Variants in BRWD1 observed in about 807,000 individuals in gnomAD.
BRWD1 encodes the protein bromodomain and WD repeat-containing protein 1.
BRWD1 carries 82 observed loss-of-function variants against 251.2 expected under a neutral mutation model. The observed-to-expected ratio is 0.33, with a 90% confidence interval of 0.27 to 0.39. BRWD1 has a LOEUF of 0.39. BRWD1 is among the 10% of genes least tolerant of loss of function. BRWD1 has a pLI of 1.00. For missense variants in BRWD1, 2,233 were observed against 2,711.6 expected (o/e 0.82, Z 3.92); for synonymous variants, 918 against 902.8 (o/e 1.02, Z -0.30).
In BRWD1 at chr21:39,203,380, G is replaced by A. The variant is rs577875980; in HGVS notation, c.4365-835C>T. On this transcript the variant is annotated intron_variant, in intron 37 of 40. Transcript: ENST00000342449. The stretch of plus-strand genomic sequence containing the variant: ...TTTTAGCCCAGGAGCTTGACATTAC[G>A]ATGACATTATGATCACACCATGCAC... Among the ~76,000 whole-genome samples the A allele has an allele frequency of 2.7e-3, 405 of 149,530 alleles. 3 individuals are homozygous for A. Among genetic ancestry groups the A allele is most frequent in the South Asian group, 2.2e-3 (10 of 4,640 alleles).
In BRWD1 at chr21:39,199,233, A is replaced by C. The variant is rs763167648; in HGVS notation, c.5183T>G (p.Val1728Gly). 4 of 1,614,026 alleles carry C rather than the reference A, an allele frequency of 2.5e-6. No homozygotes were observed. The highest frequency in any genetic ancestry group is 3.3e-5 in the Admixed American group (2 of 59,996). Reference sequence around the variant, plus strand: ...ATTAGCATGCCAATTTTTCCGGGCTACCCGCAAATCACTTTCTGACTCTGA... The same window carrying C: ...ATTAGCATGCCAATTTTTCCGGGCTCCCCGCAAATCACTTTCTGACTCTGA... ...RDSESESDLR[V>G]ARKNWHANGY... Residue 1728 changes from valine to glycine, a missense_variant, in exon 40 of 41, where the codon GTA becomes GGA. This residue lies in a region of BRWD1 where 928 missense variants were observed against 970.0 expected (regional missense o/e 0.96). Transcript: ENST00000342449.
intron 29 of BRWD1, among the ~76,000 whole-genome samples, chr21:39,221,559 G>A (rs1391699772): frequency 2.0e-5 from 3 of 152,114 alleles, no homozygotes; most frequent in African/African-American, 7.2e-5. Context: ...GAAAAGCCCC[G>A]AAATACAGAG....
chr21:39,315,996 G>A (rs1393562792), upstream of BRWD1, among the ~76,000 whole-genome samples: 1 of 152,180 alleles, frequency 6.6e-6, no homozygotes, highest in Non-Finnish European at 1.5e-5. Context: ...GGAACCAGAA[G>A]TTTAGTATGA....
chr21:39,259,879 A>C (rs1281111416), intron 17 of BRWD1, among the ~76,000 whole-genome samples: 1 of 152,092 alleles, frequency 6.6e-6, no homozygotes, highest in African/African-American at 2.4e-5. Flanking sequence ...GGAGATTAAT[A>C]AGGTGATAAT....
chr21:39,236,875 G>A lies in BRWD1; in HGVS notation c.2577-91C>T. On this transcript the variant is annotated intron_variant, in intron 22 of 40. Coordinates refer to ENST00000342449, the MANE Select transcript of BRWD1 (RefSeq NM_033656.4). ...TATAAAATTGAGGGAACAGAGAGAGGAGAAAAAGGGAAGGGAAGATACCAG... is the reference window on the plus strand; with the variant it reads ...TATAAAATTGAGGGAACAGAGAGAGAAGAAAAAGGGAAGGGAAGATACCAG... 6.1e-6 allele frequency: 7 copies of A among 1,156,136 alleles called. No homozygotes were observed. In the Admixed American group the frequency reaches 7.0e-5, roughly 12 times the overall value. 71.6% of individuals were successfully genotyped at this position (1,156,136 alleles called of 1,614,324 possible).
At position 39,198,883 on chromosome 21, in the gene BRWD1, T is replaced by C. The variant is rs1203040524; in HGVS notation, c.5533A>G (p.Ile1845Val). The stretch of plus-strand genomic sequence containing the variant: ...GGGTCACAGTTCAGATTTCCTGAAA[T>C]TGGGTTCATTTCCATTTTATGACAT... Reference protein sequence around the residue: ...GKCHKMEMNPISGNLNCDPIA... With the variant: ...GKCHKMEMNPVSGNLNCDPIA... The change falls in exon 40 of 41, where the codon ATT (isoleucine) becomes GTT (valine). Residue 1845 changes from isoleucine (I) to valine (V), a missense_variant. Ile to Val is a conservative substitution (Grantham distance 29, BLOSUM62 3). Transcript: ENST00000342449. The C allele has an allele frequency of 2.5e-6, 4 of 1,614,178 alleles. No homozygotes were observed. The highest frequency in any genetic ancestry group is 1.1e-5 in the South Asian group (1 of 91,078).
intron 33 of BRWD1, among the ~76,000 whole-genome samples, 155 bp from the exon 34 acceptor site, chr21:39,212,862 G>T (rs993337279): frequency 1.3e-5 from 2 of 151,166 alleles, no homozygotes; most frequent in Non-Finnish European, 1.5e-5. Context: ...GATGATCTTT[G>T]TGGCACCCAG....
intron 13 of BRWD1, among the ~76,000 whole-genome samples, chr21:39,271,184 C>G (rs1308120515): frequency 6.6e-6 from 1 of 152,030 alleles, no homozygotes; most frequent in African/African-American, 2.4e-5. Flanking sequence ...CCCAGCTACT[C>G]AGAAGGCTGA....
downstream of BRWD1, chr21:39,184,640 TCA>T (rs2031107251): frequency 6.6e-6 from 1 of 152,156 alleles, no homozygotes; most frequent in South Asian, 2.1e-4. Flanking sequence ...GGAAAGATAA[TCA>T]ACAAAATCAT....
chr21:39,282,039 T>C (rs908823207), intron 8 of BRWD1, among the ~76,000 whole-genome samples: 8 of 151,680 alleles, frequency 5.3e-5, no homozygotes, highest in African/African-American at 1.7e-4. Context: ...TAAGTATATG[T>C]ATGTACATAT....
intron 31 of BRWD1, chr21:39,217,408 T>C (rs1358947425): frequency 1.5e-5 from 3 of 200,636 alleles, no homozygotes; most frequent in Non-Finnish European, 3.0e-5. Flanking sequence ...CCCACAAAAA[T>C]TATTTTTAAA....
Position 39,212,666 on chromosome 21 carries a change from T to A in BRWD1, c.3900A>T (p.Arg1300Ser), listed in dbSNP as rs1555850616. The change falls in exon 34 of 41, where the codon AGA becomes AGT. Residue 1300 changes from arginine to serine, a missense_variant and splice_region_variant. By Grantham distance (110) the Arg-to-Ser change is moderately radical. Around this residue, in one of 12 missense-constraint regions of BRWD1, gnomAD observed 167 missense variants for 183.2 expected, o/e 0.91. Coordinates refer to ENST00000342449, the MANE Select transcript of BRWD1 (RefSeq NM_033656.4). ...DLPKTSSGRRRVHDGKKSIRA... is the reference protein window; with the variant it reads ...DLPKTSSGRRSVHDGKKSIRA... The stretch of plus-strand genomic sequence containing the variant: ...AAGTCAACCATGCAGAGTAACTTAC[T>A]CTCCTCCTTCCAGAAGATGTTTTAG... The A allele has an allele frequency of 1.3e-6, 2 of 1,570,238 alleles. No individual in the cohort carries two copies. The highest frequency in any genetic ancestry group is 2.2e-5 in the East Asian group (1 of 44,528).
At chr21:39,246,131 G>A (rs2034181123) in intron 21 of BRWD1, among the ~76,000 whole-genome samples, 1 of 151,990 alleles carries the variant, frequency 6.6e-6, no homozygotes, top group South Asian at 2.1e-4. Flanking sequence ...CACAGAATGG[G>A]AGAAAAATTC....
upstream of BRWD1, chr21:39,317,003 C>A (rs988331955): frequency 1.5e-4 from 23 of 152,206 alleles, no homozygotes; most frequent in African/African-American, 5.5e-4. Context: ...TTACAACTTA[C>A]TATCACATTC....
intron 9 of BRWD1, among the ~76,000 whole-genome samples, chr21:39,279,662 A>G (rs148810033): frequency 0.015 from 1,311 of 89,140 alleles, 17 homozygotes; most frequent in Non-Finnish European, 0.023. Flanking sequence ...AAAAAGAAAA[A>G]AAAAAAGAAA....
chr21:39,315,154 G>T (rs558809492), upstream of BRWD1, among the ~76,000 whole-genome samples: 55 of 152,044 alleles, frequency 3.6e-4, no homozygotes, highest in Non-Finnish European at 6.8e-4. Context: ...GCGCCACCAC[G>T]TCCGGCTAAT....
In BRWD1 at chr21:39,210,259, G is replaced by C. The variant is rs1040956835; in HGVS notation, c.4045-112C>G. ...TGATGGAAGAGAGGAAAAGGTTAGAGGACTCTTAAAATTCATTAGTAATGT... is the reference window on the plus strand; with the variant it reads ...TGATGGAAGAGAGGAAAAGGTTAGACGACTCTTAAAATTCATTAGTAATGT... On this transcript the variant is annotated intron_variant, in intron 35 of 40. Transcript: ENST00000342449. 6 of 762,978 alleles carry C rather than the reference G, an allele frequency of 7.9e-6. No individual in the cohort carries two copies. In the Admixed American group the frequency reaches 1.5e-4, roughly 19 times the overall value. 47.3% of individuals were successfully genotyped at this position (762,978 alleles called of 1,614,324 possible).
intron 8 of BRWD1, among the ~76,000 whole-genome samples, chr21:39,289,898 G>A (rs560725644): frequency 3.7e-4 from 56 of 151,896 alleles, no homozygotes; most frequent in African/African-American, 8.2e-4. Context: ...GGTGGCAGCC[G>A]CCTGTAGTCC....
rs2234547 is a variant in BRWD1 at position 39,198,904 on chromosome 21, G to C, written c.5512C>G (p.His1838Asp). The change falls in exon 40 of 41, where the codon CAT becomes GAT. Residue 1838 changes from histidine to aspartate, a missense_variant. By Grantham distance (81) the His-to-Asp change is moderately conservative. Transcript: ENST00000342449. ...EEQDREDGKCHKMEMNPISGN... is the reference protein window; with the variant it reads ...EEQDREDGKCDKMEMNPISGN... ...GAAATTGGGTTCATTTCCATTTTAT[G>C]ACATTTCCCATCTTCTCTATCTTGC... 511 of 1,614,078 alleles carry C rather than the reference G, an allele frequency of 3.2e-4. 3 individuals carry two copies. In the African/African-American group the frequency reaches 5.8e-3, roughly 18 times the overall value.
Sources: allele counts gnomAD v4.1 joint callset (sites outside exome capture counted in the v4.1 genomes callset), GRCh38; gene constraint gnomAD v4.1.1; regional missense constraint gnomAD v4.1.1; transcripts MANE v1.5; gene names NCBI Gene and HGNC (gene_info 2026-07-23, HGNC 2026-07-21).